The following STAT5B variants were observed in gnomAD, a reference collection of about 807,000 sequenced individuals.
The protein encoded by STAT5B is signal transducer and activator of transcription 5B, also known as transcription factor STAT5B.
Under a neutral mutation model 107.8 loss-of-function variants are expected in STAT5B, and 21 were observed. That is an observed-to-expected ratio of 0.19 (90% CI 0.14 to 0.28). The LOEUF is 0.28. STAT5B is among the 10% of genes least tolerant of loss of function. The pLI is 1.00. For synonymous variants in STAT5B, 325 were observed against 401.7 expected, an observed-to-expected ratio of 0.81 and a Z score of 2.28; for missense variants, 565 against 1,008.2, an observed-to-expected ratio of 0.56 and a Z score of 5.95.
chr17:42,220,635 G>A (rs1009484683), intron 5 of STAT5B, among the ~76,000 whole-genome samples: 1 of 152,106 alleles, frequency 6.6e-6, no homozygotes, highest in Non-Finnish European at 1.5e-5. Context: ...CAGACAGACC[G>A]CAGAGGGAGA....
At chr17:42,215,961 T>G in intron 12 of STAT5B, 53 bp downstream of exon 12, 1 of 1,577,228 alleles carries the variant, frequency 6.3e-7, no homozygotes, top group Non-Finnish European at 8.7e-7. Context: ...ATAAATGAGA[T>G]TCATGACACC....
chr17:42,232,235 T>C, intron 1 of STAT5B, 98 bp from the exon 2 acceptor site: 1 of 1,227,388 alleles, frequency 8.1e-7, no homozygotes, highest in Non-Finnish European at 1.1e-6. Flanking sequence ...GTAAATGTTT[T>C]TATTTTATTA....
At position 42,218,776 on chromosome 17, in the gene STAT5B, C is replaced by T; in HGVS notation, c.936G>A (p.Met312Ile). 6.2e-7 allele frequency: 1 copy of T among 1,612,932 alleles called. No homozygotes were observed. Among genetic ancestry groups the T allele is most frequent in the Non-Finnish European group, 8.5e-7 (1 of 1,179,424 alleles). Reference sequence around the variant, plus strand: ...TGATGGTGGCGTTGACCTCGGCCAGCATCTCCTCCACTGGGCCGGGGATGG... The same window carrying T: ...TGATGGTGGCGTTGACCTCGGCCAGTATCTCCTCCACTGGGCCGGGGATGG... ...QLPIPGPVEE[M>I]LAEVNATITD... Residue 312 changes from methionine (M) to isoleucine (I), a missense_variant, in exon 8 of 19, where the codon ATG becomes ATA. This residue lies in a region of STAT5B where 48 missense variants were observed against 106.5 expected (regional missense o/e 0.45). Transcript: ENST00000293328.
chr17:42,239,175 G>C (rs187261087), intron 1 of STAT5B, among the ~76,000 whole-genome samples: 104 of 149,674 alleles, frequency 6.9e-4, no homozygotes, highest in Non-Finnish European at 1.3e-3. Flanking sequence ...TTGAACCCAG[G>C]AGGCAGAGGT....
At chr17:42,224,173 T>C (rs1324931541) in intron 4 of STAT5B, among the ~76,000 whole-genome samples, 1 of 152,150 alleles carries the variant, frequency 6.6e-6, no homozygotes, top group Non-Finnish European at 1.5e-5. Context: ...CCACACCTGA[T>C]TCAGGGGCTA....
intron 1 of STAT5B, among the ~76,000 whole-genome samples, chr17:42,232,843 T>C (rs1013766280): frequency 6.7e-6 from 1 of 150,144 alleles, no homozygotes; most frequent in Non-Finnish European, 1.5e-5. Context: ...GCAGAGAGTT[T>C]TTTTTTTTTT....
At chr17:42,208,574 T>C (rs1298973570) in intron 15 of STAT5B, among the ~76,000 whole-genome samples, 1 of 151,988 alleles carries the variant, frequency 6.6e-6, no homozygotes, top group Non-Finnish European at 1.5e-5. Flanking sequence ...TCCCAAGAGA[T>C]CCAATGATCT....
intron 5 of STAT5B, among the ~76,000 whole-genome samples, chr17:42,222,158 T>G (rs937096098): frequency 3.7e-4 from 53 of 144,814 alleles, no homozygotes; most frequent in South Asian, 6.8e-4. Context: ...GCTGTGTGTG[T>G]GATGTGTGTG....
chr17:42,205,282 T>G (rs1015344252), intron 16 of STAT5B, among the ~76,000 whole-genome samples: 3 of 151,696 alleles, frequency 2.0e-5, no homozygotes, highest in African/African-American at 7.3e-5. Context: ...CCACCTGCCT[T>G]GGCCTCCCAA....
In STAT5B at chr17:42,212,041, G is replaced by A; in HGVS notation, c.1623C>T (p.Ser541=). 1 of 1,614,042 alleles carries A rather than the reference G, an allele frequency of 6.2e-7. No homozygotes were observed. The highest frequency in any genetic ancestry group is 8.5e-7 in the Non-Finnish European group (1 of 1,179,956). ...CACTGTAGTCCTCCAGGTGGCTGCT[G>A]CTGTTGTTGAACAGTTTCTGCGCCA... The part of the protein sequence containing the change: ...VFLAQKLFNN[S]SSHLEDYSGL... Residue 541 remains serine, a synonymous_variant, in exon 13 of 19, where the codon AGC becomes AGT. Transcript: ENST00000293328.
At chr17:42,216,672 T>C (rs2080174748) in intron 11 of STAT5B, among the ~76,000 whole-genome samples, 1 of 151,728 alleles carries the variant, frequency 6.6e-6, no homozygotes, top group South Asian at 2.1e-4. Flanking sequence ...GCCACTGCAC[T>C]GGGCCTTGCT....
chr17:42,201,385 C>A lies in STAT5B; in HGVS notation c.*353G>T. ...TCAAAGTCCAGCCACTCTTAAGACA[C>A]ATGGCCAACTTCCAGGCTTCACGAA... On this transcript the variant is annotated 3_prime_UTR_variant, in exon 19 of 19. Coordinates refer to ENST00000293328, the MANE Select transcript of STAT5B (RefSeq NM_012448.4). 1.7e-6 allele frequency: 1 copy of A among 596,102 alleles called. No individual in the cohort carries two copies. Among genetic ancestry groups the A allele is most frequent in the Non-Finnish European group, 3.0e-6 (1 of 334,876 alleles). 36.9% of individuals were successfully genotyped at this position (596,102 alleles called of 1,614,324 possible).
At position 42,206,730 on chromosome 17, in the gene STAT5B, C is replaced by T. The variant is rs1255912684; in HGVS notation, c.2077+828G>A. On this transcript the variant is annotated intron_variant, in intron 16 of 18. Transcript: ENST00000293328. ...AGCTGGGATTACAGGCATGCGCCAC[C>T]ATGCCAGGCTAATTTTGTATTTTCA... Among the ~76,000 whole-genome samples, 3 of 151,962 alleles carry T rather than the reference C, an allele frequency of 2.0e-5. No homozygotes were observed. In the East Asian group the frequency reaches 5.8e-4, roughly 29 times the overall value.
chr17:42,213,691 C>A (rs2080147606), intron 12 of STAT5B, among the ~76,000 whole-genome samples: 1 of 151,314 alleles, frequency 6.6e-6, no homozygotes, highest in Non-Finnish European at 1.5e-5. Context: ...CCACGCCCAG[C>A]TAATTTTTGT....
chr17:42,262,890 A>G (rs568613748), intron 1 of STAT5B, among the ~76,000 whole-genome samples: 8 of 124,454 alleles, frequency 6.4e-5, no homozygotes, highest in Admixed American at 3.3e-4. Context: ...ACACATATAT[A>G]TGTGTGTATA....
chr17:42,271,559 T>C (rs1295576304), intron 1 of STAT5B: 2 of 147,390 alleles, frequency 1.4e-5, no homozygotes, highest in Non-Finnish European at 3.0e-5. Flanking sequence ...CTTCTCTTCA[T>C]ATTAGAAAAG....
chr17:42,216,430 C>T lies in STAT5B; in HGVS notation c.1381-324G>A, dbSNP rs1239304354. ...ATACAAATAACAAATTTAAAACTTA[C>T]CACAACCTTTACTCAAATTCATCCC... On this transcript the variant is annotated intron_variant, in intron 11 of 18. Transcript: ENST00000293328. Among the ~76,000 whole-genome samples the T allele has an allele frequency of 2.0e-5, 3 of 152,312 alleles. No individual in the cohort carries two copies. The East Asian group carries it at 5.8e-4, about 29-fold the overall frequency.
upstream of STAT5B, among the ~76,000 whole-genome samples, chr17:42,277,863 C>A (rs964759637): frequency 6.6e-6 from 1 of 150,662 alleles, no homozygotes; most frequent in African/African-American, 2.4e-5. Context: ...TCAAGTGATT[C>A]TCCTTCCTCA....
chr17:42,282,565 C>T, the STAT5B span, among the ~76,000 whole-genome samples: 1 of 152,210 alleles, frequency 6.6e-6, no homozygotes. Flanking sequence ...GCCTCAAACT[C>T]CTGACCTCAG....
Sources: allele counts gnomAD v4.1 joint callset (sites outside exome capture counted in the v4.1 genomes callset), GRCh38; gene constraint gnomAD v4.1.1; regional missense constraint gnomAD v4.1.1; transcripts MANE v1.5; gene names NCBI Gene and HGNC (gene_info 2026-07-23, HGNC 2026-07-21).